Variants in CPED1 observed in about 807,000 individuals in gnomAD.
The protein encoded by CPED1 is cadherin like and PC-esterase domain containing 1, also known as cadherin-like and PC-esterase domain-containing protein 1.
CPED1 carries 114 observed loss-of-function variants against 128.2 expected under a neutral mutation model. That is an observed-to-expected ratio of 0.89 (90% CI 0.76 to 1.04). CPED1 has a LOEUF of 1.04. CPED1 is among the 50% of genes least tolerant of loss of function. The pLI is 0.00. For synonymous variants in CPED1, 462 were observed against 426.7 expected, an observed-to-expected ratio of 1.08 and a Z score of -1.02; for missense variants, 1,211 against 1,207.1, an observed-to-expected ratio of 1.00 and a Z score of -0.05.
chr7:121,184,140 C>CAA (rs35308653), intron 16 of CPED1, among the ~76,000 whole-genome samples: 3,131 of 141,292 alleles, frequency 0.022, 86 homozygotes, highest in African/African-American at 0.074. Flanking sequence ...GACTCTGTCT[C>CAA]AAAAAAAAAA....
chr7:120,993,141 A>T (rs1796336413), intron 2 of CPED1, among the ~76,000 whole-genome samples: 1 of 152,188 alleles, frequency 6.6e-6, no homozygotes, highest in Non-Finnish European at 1.5e-5. Context: ...AAATTATTTC[A>T]ATTTAATATA....
At chr7:121,045,027 G>GTGTT (rs1793157393) in intron 3 of CPED1, among the ~76,000 whole-genome samples, 1 of 152,146 alleles carries the variant, frequency 6.6e-6, no homozygotes. Context: ...AACAGTCTTT[G>GTGTT]TGTTTTGCTT....
At chr7:121,030,738 A>G (rs1792707184) in intron 3 of CPED1, among the ~76,000 whole-genome samples, 1 of 152,196 alleles carries the variant, frequency 6.6e-6, no homozygotes, top group Admixed American at 6.5e-5. Context: ...TTTATCAAAG[A>G]TATGTATATA....
intron 22 of CPED1, among the ~76,000 whole-genome samples, chr7:121,278,313 TAA>T (rs1792369095): frequency 1.3e-5 from 2 of 152,190 alleles, no homozygotes; most frequent in Admixed American, 1.3e-4. Flanking sequence ...AGGATTCAGG[TAA>T]ATAGTGTGTG....
intron 16 of CPED1, among the ~76,000 whole-genome samples, chr7:121,143,855 C>T (rs6956060): frequency 0.99 from 150,088 of 152,052 alleles, 74,105 homozygotes; most frequent in East Asian, 1. Flanking sequence ...AAGACACACA[C>T]ACACAAAATC....
At chr7:121,120,613 C>T (rs1795360457) in intron 7 of CPED1, among the ~76,000 whole-genome samples, 2 of 152,140 alleles carry the variant, frequency 1.3e-5, no homozygotes, top group Non-Finnish European at 2.9e-5. Flanking sequence ...AAGAACATTA[C>T]TTTGAAAAAC....
chr7:121,051,567 A>C, intron 4 of CPED1: 1 of 389,402 alleles, frequency 2.6e-6, no homozygotes, highest in Middle Eastern at 9.2e-4. Flanking sequence ...TCCTGCATTT[A>C]ATGTCTTGAA....
intron 21 of CPED1, among the ~76,000 whole-genome samples, chr7:121,267,955 A>G (rs1035964820): frequency 2.6e-5 from 4 of 152,070 alleles, no homozygotes; most frequent in Non-Finnish European, 5.9e-5. Flanking sequence ...CACAGAACAC[A>G]AGACCCCAAT....
At chr7:121,248,422 G>C (rs7811248) in intron 18 of CPED1, among the ~76,000 whole-genome samples, 62,956 of 151,702 alleles carry the variant, frequency 0.41, 13,516 homozygotes, top group Middle Eastern at 0.51. Context: ...GAGAGGAGGT[G>C]ACCTCTCTCC....
intron 18 of CPED1, among the ~76,000 whole-genome samples, chr7:121,247,071 C>A (rs984573298): frequency 4.6e-5 from 7 of 152,144 alleles, no homozygotes; most frequent in African/African-American, 1.2e-4. Context: ...ATTAGAAAGG[C>A]CATGCCGCAG....
intron 22 of CPED1, among the ~76,000 whole-genome samples, chr7:121,293,638 C>T (rs1182106187): frequency 2.6e-5 from 4 of 152,138 alleles, no homozygotes; most frequent in African/African-American, 7.2e-5. Context: ...CTGGTGGCGT[C>T]GGCACCCAAG....
At chr7:121,065,409 G>C (rs897605872) in intron 5 of CPED1, among the ~76,000 whole-genome samples, 9 of 152,018 alleles carry the variant, frequency 5.9e-5, no homozygotes, top group African/African-American at 2.2e-4. Flanking sequence ...ATGTTTTGGG[G>C]AGAAGCAAAT....
intron 16 of CPED1, among the ~76,000 whole-genome samples, chr7:121,220,403 C>T (rs1446444282): frequency 2.0e-5 from 3 of 152,016 alleles, no homozygotes; most frequent in African/African-American, 4.8e-5. Context: ...CTTGGATAAA[C>T]TATAAGTCTG....
At chr7:121,199,949 CT>C (rs569210591) in intron 16 of CPED1, among the ~76,000 whole-genome samples, 91 of 152,004 alleles carry the variant, frequency 6.0e-4, no homozygotes, top group African/African-American at 2.1e-3. Flanking sequence ...AGTTCACATT[CT>C]TTTTTTATAT....
At chr7:121,102,205 G>A (rs1161030817) in intron 7 of CPED1, among the ~76,000 whole-genome samples, 2 of 151,596 alleles carry the variant, frequency 1.3e-5, no homozygotes, top group Non-Finnish European at 2.9e-5. Flanking sequence ...GTATATTGCT[G>A]GCATGCTTAT....
rs918069431 is a variant in CPED1 at position 121,103,687 on chromosome 7, A to G, written c.918+3593A>G. Among the ~76,000 whole-genome samples, 8 of 151,966 alleles carry G rather than the reference A, an allele frequency of 5.3e-5. No homozygotes were observed. In the South Asian group the frequency reaches 1.0e-3, roughly 20 times the overall value. The stretch of plus-strand genomic sequence containing the variant: ...AACATAATTTTGTGTGTGTGTGTGT[A>G]TGTGCACGTGTGTGTGTACTGAGTA... On this transcript the variant is annotated intron_variant, in intron 7 of 22. Transcript: ENST00000310396.
intron 16 of CPED1, among the ~76,000 whole-genome samples, chr7:121,200,264 G>A (rs1394282487): frequency 6.6e-6 from 1 of 152,058 alleles, no homozygotes; most frequent in Non-Finnish European, 1.5e-5. Context: ...TGGTGTGCAA[G>A]GATATAAAAA....
At chr7:121,011,797 A>G (rs553207135) in intron 2 of CPED1, among the ~76,000 whole-genome samples, 41 of 152,328 alleles carry the variant, frequency 2.7e-4, no homozygotes, top group Non-Finnish European at 4.7e-4. Context: ...TATATCAGGT[A>G]TATGGAATCA....
intron 16 of CPED1, among the ~76,000 whole-genome samples, chr7:121,148,567 TCAA>T (rs1796079327): frequency 6.6e-6 from 1 of 152,150 alleles, no homozygotes; most frequent in African/African-American, 2.4e-5. Context: ...CTTGCTGACT[TCAA>T]ATTGAGGAAG....
Sources: gnomAD v4.1 joint callset for allele counts (sites outside exome capture counted in the v4.1 genomes callset) on GRCh38, gnomAD v4.1.1 for gene constraint, MANE v1.5 for transcripts, NCBI Gene and HGNC (gene_info 2026-07-23, HGNC 2026-07-21) for gene names.